Variants in MEF2C observed in about 807,000 individuals in gnomAD.
The protein encoded by MEF2C is myocyte enhancer factor 2C.
MEF2C carries 6 observed loss-of-function variants against 50.5 expected under a neutral mutation model. The observed-to-expected ratio is 0.12, with a 90% CI of 0.07 to 0.23. The LOEUF (loss-of-function observed/expected upper bound fraction) is 0.23, where lower values mean the gene tolerates loss of function less well. Among genes scored for constraint, MEF2C ranks in the 10% least tolerant of loss-of-function variants. The pLI, the probability that MEF2C is intolerant of heterozygous loss-of-function variation, is 1.00. For synonymous variants in MEF2C, 183 were observed against 228.0 expected (o/e 0.80, Z 1.78); for missense variants, 276 against 605.0 (o/e 0.46, Z 5.70).
Position 88,730,211 on chromosome 5 carries a change from CA to C in MEF2C, c.833del (p.Leu278Ter), listed in dbSNP as rs587783749. 6.3e-7 allele frequency: 1 copy of C among 1,583,680 alleles called. No individual in the cohort carries two copies. The highest frequency in any genetic ancestry group is 8.6e-7 in the Non-Finnish European group (1 of 1,163,726). On this transcript the variant is annotated frameshift_variant and splice_region_variant, in exon 8 of 11. Coordinates refer to ENST00000504921, the MANE Select transcript of MEF2C (RefSeq NM_002397.5). LOFTEE classifies it high-confidence loss of function. ...PSVSEDVDLL[L>X]NQRINNSQSA... The stretch of plus-strand genomic sequence containing the variant: ...TGAGGGAAGCGCTCTCACCACTTAC[CA>C]AAAGCAGGTCGACATCCTCAGACTG...
intron 1 of MEF2C, among the ~76,000 whole-genome samples, chr5:88,892,745 T>A (rs1196641477): frequency 6.6e-6 from 1 of 152,212 alleles, no homozygotes; most frequent in African/African-American, 2.4e-5. Flanking sequence ...TCAGAGTCTA[T>A]CCTCTTTTCA....
At chr5:88,821,034 A>G (rs983778119) in intron 2 of MEF2C, among the ~76,000 whole-genome samples, 4 of 151,986 alleles carry the variant, frequency 2.6e-5, no homozygotes, top group Admixed American at 6.6e-5. Context: ...AAGACTGGAG[A>G]AAAGAATAAA....
At chr5:88,734,815 T>A in intron 6 of MEF2C, 1 of 979,004 alleles carries the variant, frequency 1.0e-6, no homozygotes, top group African/African-American at 1.7e-5. Flanking sequence ...ATTACGCCAT[T>A]TTAGAAGATT....
chr5:88,764,788 A>G (rs1356452551), intron 3 of MEF2C, among the ~76,000 whole-genome samples: 1 of 145,838 alleles, frequency 6.9e-6, no homozygotes, highest in Non-Finnish European at 1.5e-5. Flanking sequence ...AGCCTGGGCA[A>G]CAGAGTGAGA....
At chr5:88,880,514 A>G (rs1832506558) in intron 1 of MEF2C, among the ~76,000 whole-genome samples, 1 of 152,182 alleles carries the variant, frequency 6.6e-6, no homozygotes, top group South Asian at 2.1e-4. Flanking sequence ...ATACTACAAT[A>G]AACAGAAGAA....
At chr5:88,873,009 C>T (rs1377839202) in intron 1 of MEF2C, among the ~76,000 whole-genome samples, 2 of 151,696 alleles carry the variant, frequency 1.3e-5, no homozygotes, top group Non-Finnish European at 2.9e-5. Context: ...CATGCTTTTT[C>T]TCTCTCTCTG....
At chr5:88,768,741 G>A in intron 3 of MEF2C, 1 of 970,114 alleles carries the variant, frequency 1.0e-6, no homozygotes, top group Non-Finnish European at 1.2e-6. Context: ...TTTTGCAACT[G>A]CAATCTCTTT....
At chr5:88,877,383 C>A (rs1831394094) in intron 1 of MEF2C, among the ~76,000 whole-genome samples, 1 of 151,952 alleles carries the variant, frequency 6.6e-6, no homozygotes, top group African/African-American at 2.4e-5. Context: ...TCACCTAAAA[C>A]TAAACCATAA....
Position 88,901,634 on chromosome 5 carries a change from T to C in MEF2C, c.-240+2282A>G, listed in dbSNP as rs544269766. Among the ~76,000 whole-genome samples the C allele has an allele frequency of 3.9e-5, 6 of 152,026 alleles. No individual in the cohort carries two copies. The South Asian group carries it at 1.2e-3, about 32-fold the overall frequency. ...ATGCATATGTTTTAATGTTAAATATTTAGAGCAGGTGTAAATCAATGCTAC... is the reference window on the plus strand; with the variant it reads ...ATGCATATGTTTTAATGTTAAATATCTAGAGCAGGTGTAAATCAATGCTAC... On this transcript the variant is annotated intron_variant, in intron 1 of 11. Transcript: ENST00000340208.
rs554718850 is a variant in MEF2C, at chr5:88,777,881, G to T, written c.259-16553C>A. 3.4e-5 allele frequency among the ~76,000 whole-genome samples: 5 copies of T among 147,970 alleles called. No homozygotes were observed. In the East Asian group the frequency reaches 9.9e-4, roughly 29 times the overall value. On this transcript the variant is annotated intron_variant, in intron 3 of 10. Coordinates refer to ENST00000504921, the MANE Select transcript of MEF2C (RefSeq NM_002397.5). ...GTTGAAGCCCCAAGGAAAAGAAAGG[G>T]TGCTAAATTTTTCTTTTCTTTTTTT...
chr5:88,724,230 G>A (rs1561652847), intron 10 of MEF2C, among the ~76,000 whole-genome samples: 1 of 152,082 alleles, frequency 6.6e-6, no homozygotes, highest in Middle Eastern at 3.4e-3. Flanking sequence ...GAATTAGTTG[G>A]CACTAACAAT....
chr5:88,731,936 A>T (rs1761854413), intron 6 of MEF2C, 35 bp from the exon 7 acceptor site: 2 of 1,577,934 alleles, frequency 1.3e-6, no homozygotes, highest in Non-Finnish European at 1.7e-6. Flanking sequence ...TTTAGGAAGA[A>T]ATCTAGGTCA....
At chr5:88,811,987 TAG>T (rs1803037412) in intron 2 of MEF2C, among the ~76,000 whole-genome samples, 1 of 152,118 alleles carries the variant, frequency 6.6e-6, no homozygotes, top group South Asian at 2.1e-4. Context: ...AGGCATCATA[TAG>T]AGTTTTGTGA....
intron 3 of MEF2C, among the ~76,000 whole-genome samples, chr5:88,780,108 T>C (rs999427615): frequency 1.3e-4 from 20 of 151,684 alleles, no homozygotes; most frequent in African/African-American, 4.1e-4. Flanking sequence ...CATTGCATCA[T>C]TGCACTCTAG....
chr5:88,731,665 ATAAAAACAG>A, intron 7 of MEF2C, 55 bp downstream of exon 7: 1 of 1,454,540 alleles, frequency 6.9e-7, no homozygotes, highest in Non-Finnish European at 9.5e-7. Flanking sequence ...TTAGACAAAT[ATAAAAACAG>A]CAAAACATAT....
At chr5:88,857,962 C>CATG (rs1824069284) in intron 1 of MEF2C, among the ~76,000 whole-genome samples, 1 of 152,152 alleles carries the variant, frequency 6.6e-6, no homozygotes, top group Admixed American at 6.5e-5. Flanking sequence ...AATCTCAAAG[C>CATG]ATGATTTTAA....
upstream of MEF2C, among the ~76,000 whole-genome samples, chr5:88,886,744 C>G (rs183629350): frequency 6.6e-6 from 1 of 152,240 alleles, no homozygotes; most frequent in East Asian, 1.9e-4. Context: ...TATAGAGTCA[C>G]TTGTTTTTCC....
intron 6 of MEF2C, among the ~76,000 whole-genome samples, chr5:88,747,649 C>CATTTTTTTT (rs1231554982): frequency 1.6e-4 from 4 of 24,978 alleles, no homozygotes; most frequent in East Asian, 1.4e-3. Flanking sequence ...GCGCCCGGCC[C>CATTTTTTTT]TTTTTTACTA....
intron 1 of MEF2C, 91 bp from the exon 2 acceptor site, chr5:88,824,021 A>C: frequency 8.5e-7 from 1 of 1,181,492 alleles, no homozygotes; most frequent in Non-Finnish European, 1.1e-6. Context: ...GAAATAAACT[A>C]TATGGAGCTA....
Sources: allele counts gnomAD v4.1 joint callset (sites outside exome capture counted in the v4.1 genomes callset), GRCh38; gene constraint gnomAD v4.1.1; transcripts MANE v1.5; gene names NCBI Gene and HGNC (gene_info 2026-07-23, HGNC 2026-07-21).